The following RBFOX1 variants were observed in gnomAD, a reference collection of about 807,000 sequenced individuals.
RBFOX1 encodes the protein RNA binding protein fox-1 homolog 1.
In RBFOX1, 8 loss-of-function variants were observed where a neutral mutation model predicts 57.7. The ratio of observed to expected loss-of-function variants is 0.14; its 90% CI spans 0.08 to 0.25. RBFOX1 has a LOEUF of 0.25. Ranked by LOEUF, RBFOX1 falls within the 10% of genes least tolerant of loss-of-function variation. RBFOX1 has a pLI of 1.00. For synonymous variants in RBFOX1, 326 were observed against 222.4 expected (o/e 1.47, Z -4.15); for missense variants, 611 against 548.5 (o/e 1.11, Z -1.14).
chr16:5,452,916 A>C (rs1207516304), intron 1 of RBFOX1, among the ~76,000 whole-genome samples: 3 of 152,050 alleles, frequency 2.0e-5, no homozygotes, highest in African/African-American at 7.2e-5. Flanking sequence ...ACAGGTGTGA[A>C]CCACCACGCT....
intron 4 of RBFOX1, among the ~76,000 whole-genome samples, chr16:7,066,445 C>T (rs1288601211): frequency 6.6e-6 from 1 of 152,084 alleles, no homozygotes; most frequent in African/African-American, 2.4e-5. Context: ...GCATTGAGGC[C>T]CAACCTTTGT....
chr16:7,180,229 T>A (rs2082432032), intron 4 of RBFOX1, among the ~76,000 whole-genome samples: 1 of 152,222 alleles, frequency 6.6e-6, no homozygotes, highest in Non-Finnish European at 1.5e-5. Flanking sequence ...GTATTTCAGA[T>A]AATTTTTAAA....
intron 3 of RBFOX1, among the ~76,000 whole-genome samples, chr16:5,624,330 G>T (rs1324911419): frequency 6.6e-6 from 1 of 152,174 alleles, no homozygotes; most frequent in Non-Finnish European, 1.5e-5. Context: ...AAGCAGCTGG[G>T]ACTACAGGCA....
At chr16:5,650,041 G>A (rs973788762) in intron 3 of RBFOX1, among the ~76,000 whole-genome samples, 9 of 152,222 alleles carry the variant, frequency 5.9e-5, no homozygotes, top group South Asian at 2.1e-4. Flanking sequence ...AGCATTGGCC[G>A]TCTGGGCTGC....
chr16:6,547,125 G>T (rs575887882), intron 2 of RBFOX1, among the ~76,000 whole-genome samples: 1 of 152,266 alleles, frequency 6.6e-6, no homozygotes, highest in East Asian at 1.9e-4. Context: ...AAAGTATCTG[G>T]CGCTCTTTTA....
At chr16:5,695,986 G>C (rs377011688) in intron 3 of RBFOX1, among the ~76,000 whole-genome samples, 3 of 152,146 alleles carry the variant, frequency 2.0e-5, no homozygotes, top group African/African-American at 7.2e-5. Flanking sequence ...TTTAATTACA[G>C]TTATAGGGAA....
intron 1 of RBFOX1, among the ~76,000 whole-genome samples, chr16:5,416,475 T>C (rs139724243): frequency 0.01 from 1,574 of 152,318 alleles, 37 homozygotes; most frequent in African/African-American, 0.036. Context: ...GAAGTGATGA[T>C]TTCCAAGCTT....
chr16:6,852,006 A>C (rs2094097470), intron 3 of RBFOX1, among the ~76,000 whole-genome samples: 1 of 148,776 alleles, frequency 6.7e-6, no homozygotes. Context: ...GCTCACTGCA[A>C]GCTCCATCTC....
intron 1 of RBFOX1, among the ~76,000 whole-genome samples, chr16:6,137,458 C>G (rs575262525): frequency 3.7e-4 from 57 of 152,122 alleles, no homozygotes; most frequent in Middle Eastern, 3.4e-3. Flanking sequence ...GCACTGGCCA[C>G]CACGCCTGGG....
chr16:5,486,484 G>C (rs2042631588), intron 2 of RBFOX1, among the ~76,000 whole-genome samples: 1 of 152,206 alleles, frequency 6.6e-6, no homozygotes, highest in African/African-American at 2.4e-5. Context: ...TCCTTGGCTT[G>C]GGTAGATGGG....
Position 6,940,996 on chromosome 16 carries a change from C to T in RBFOX1, c.-15-111061C>T, listed in dbSNP as rs535333799. Among the ~76,000 whole-genome samples the T allele has an allele frequency of 2.6e-5, 4 of 152,016 alleles. No individual in the cohort carries two copies. In the East Asian group the frequency reaches 5.8e-4, roughly 22 times the overall value. ...TGCTGGGATTACAGGCATGAGCCAC[C>T]ACACCCGGCCCCCCTTATCGTATAC... On this transcript the variant is annotated intron_variant, in intron 3 of 15. Transcript: ENST00000550418.
intron 13 of RBFOX1, among the ~76,000 whole-genome samples, chr16:7,665,321 A>G (rs1033193532): frequency 6.6e-6 from 1 of 152,216 alleles, no homozygotes; most frequent in Admixed American, 6.5e-5. Context: ...TATTTAGGAT[A>G]ACAGCTGTAG....
intron 4 of RBFOX1, among the ~76,000 whole-genome samples, chr16:7,066,825 C>G (rs931109399): frequency 8.5e-5 from 13 of 152,174 alleles, no homozygotes; most frequent in Non-Finnish European, 1.9e-4. Flanking sequence ...CACTTGATGT[C>G]AACTCTGTCT....
chr16:7,636,441 T>A (rs1399091651), intron 11 of RBFOX1, among the ~76,000 whole-genome samples: 1 of 152,246 alleles, frequency 6.6e-6, no homozygotes, highest in Non-Finnish European at 1.5e-5. Flanking sequence ...AGTTCACACG[T>A]GAGTGACACT....
intron 4 of RBFOX1, among the ~76,000 whole-genome samples, chr16:7,322,083 G>T (rs1568202848): frequency 6.6e-6 from 1 of 152,184 alleles, no homozygotes; most frequent in South Asian, 2.1e-4. Flanking sequence ...TATTTGGTGG[G>T]TTCCCAGTGA....
At chr16:6,544,702 TAA>T (rs2096870881) in intron 2 of RBFOX1, among the ~76,000 whole-genome samples, 1 of 152,216 alleles carries the variant, frequency 6.6e-6, no homozygotes, top group Non-Finnish European at 1.5e-5. Flanking sequence ...GGACTCTATA[TAA>T]GTTTGTCTTT....
intron 2 of RBFOX1, among the ~76,000 whole-genome samples, chr16:6,542,877 G>A (rs569926243): frequency 1.3e-5 from 2 of 152,100 alleles, no homozygotes; most frequent in South Asian, 4.2e-4. Flanking sequence ...CATTGGCCTG[G>A]CATTGACTTC....
At chr16:6,309,074 C>G (rs535816658) in intron 1 of RBFOX1, among the ~76,000 whole-genome samples, 1 of 152,142 alleles carries the variant, frequency 6.6e-6, no homozygotes, top group Middle Eastern at 3.4e-3. Context: ...AATCAGGTCT[C>G]ATGTGTATAT....
chr16:7,314,913 T>A (rs1202784546), intron 4 of RBFOX1, among the ~76,000 whole-genome samples: 1 of 152,216 alleles, frequency 6.6e-6, no homozygotes, highest in Non-Finnish European at 1.5e-5. Context: ...AGGACATTTA[T>A]TTTCCGGATT....
Sources: allele counts gnomAD v4.1 joint callset (sites outside exome capture counted in the v4.1 genomes callset), GRCh38; gene constraint gnomAD v4.1.1; transcripts MANE v1.5; gene names NCBI Gene and HGNC (gene_info 2026-07-23, HGNC 2026-07-21).